The following YWHAG variants were observed in gnomAD, a reference collection of about 807,000 sequenced individuals.
YWHAG encodes 14-3-3 protein gamma.
In YWHAG, 1 loss-of-function variant was observed where a neutral mutation model predicts 23.3. That is an observed-to-expected ratio of 0.04 (90% CI 0.02 to 0.20). The LOEUF is 0.20. Among genes scored for constraint, YWHAG ranks in the 10% least tolerant of loss-of-function variants. YWHAG has a pLI of 1.00. For missense variants in YWHAG, 151 were observed against 338.6 expected (o/e 0.45, Z 4.35); for synonymous variants, 160 against 144.0 (o/e 1.11, Z -0.80).
intron 1 of YWHAG, among the ~76,000 whole-genome samples, chr7:76,347,308 A>C (rs986313134): frequency 6.6e-6 from 1 of 152,204 alleles, no homozygotes. Flanking sequence ...CCAAATACTC[A>C]AATGTCTGCC....
Position 76,329,509 on chromosome 7 carries a change from C to CCAAA in YWHAG, c.*67_*68insTTTG. The CCAAA allele has an allele frequency of 2.1e-6, 3 of 1,421,534 alleles. No individual in the cohort carries two copies. Among genetic ancestry groups the CCAAA allele is most frequent in the Non-Finnish European group, 2.8e-6 (3 of 1,069,476 alleles). 88.1% of individuals were successfully genotyped at this position (1,421,534 alleles called of 1,614,324 possible). A position where few individuals can be genotyped will look rare whatever the true frequency, so the allele number is the denominator to read the frequency against. ...CCCTTTCCCTCCCCCACCCGACCCC[C>CCAAA]AACTCATGGGAAAAAAATAAAGACT... On this transcript the variant is annotated 3_prime_UTR_variant, in exon 2 of 2. Coordinates refer to ENST00000307630, the MANE Select transcript of YWHAG (RefSeq NM_012479.4). This position sits in a 1 kb window ranked among gnomAD's most constrained non-coding sequence, Gnocchi z 6.1.
intron 1 of YWHAG, among the ~76,000 whole-genome samples, chr7:76,336,087 A>AT (rs1162749723): frequency 2.0e-5 from 3 of 152,216 alleles, no homozygotes; most frequent in Admixed American, 6.5e-5. Flanking sequence ...CACCCAACAC[A>AT]TTGATTTAAT....
chr7:76,358,355 G>C (rs1803993708), intron 1 of YWHAG, among the ~76,000 whole-genome samples: 2 of 152,136 alleles, frequency 1.3e-5, no homozygotes, highest in South Asian at 4.1e-4. Flanking sequence ...CCCACGCCCA[G>C]GCTAGGAGGA....
intron 1 of YWHAG, among the ~76,000 whole-genome samples, chr7:76,355,936 A>G (rs1803948939): frequency 6.6e-6 from 1 of 152,224 alleles, no homozygotes; most frequent in South Asian, 2.1e-4. Context: ...CCTTCAATAC[A>G]AGACTAAACA....
In YWHAG at chr7:76,328,168, A is replaced by T. The variant is rs1298387366; in HGVS notation, c.*1409T>A. ...ACCCGAAATGAGAATGAGGGCCTTAAGGCTGCCGAAAACAAATGGGTGGAA... is the reference window on the plus strand; with the variant it reads ...ACCCGAAATGAGAATGAGGGCCTTATGGCTGCCGAAAACAAATGGGTGGAA... On this transcript the variant is annotated 3_prime_UTR_variant, in exon 2 of 2. Coordinates refer to ENST00000307630, the MANE Select transcript of YWHAG (RefSeq NM_012479.4). The T allele has an allele frequency of 1.3e-5, 2 of 152,166 alleles. No homozygotes were observed. The highest frequency in any genetic ancestry group is 4.8e-5 in the African/African-American group (2 of 41,436). The allele number at this position is 152,166 out of a possible 1,614,324, so 9.4% of individuals were successfully genotyped here. A position where few individuals can be genotyped will look rare whatever the true frequency, so the allele number is the denominator to read the frequency against.
At chr7:76,345,473 A>C (rs965666866) in intron 1 of YWHAG, among the ~76,000 whole-genome samples, 1 of 150,254 alleles carries the variant, frequency 6.7e-6, no homozygotes, top group African/African-American at 2.4e-5. Context: ...GGCGTGAGCC[A>C]CCGTACCTGG....
At chr7:76,331,333 T>C (rs1803539032) in intron 1 of YWHAG, among the ~76,000 whole-genome samples, 1 of 147,846 alleles carries the variant, frequency 6.8e-6, no homozygotes, top group African/African-American at 2.6e-5. Flanking sequence ...TCCCTGTCCC[T>C]TGAGTCCCCA....
chr7:76,335,965 C>CA (rs1803609859), intron 1 of YWHAG, among the ~76,000 whole-genome samples: 1 of 151,646 alleles, frequency 6.6e-6, no homozygotes, highest in African/African-American at 2.4e-5. Context: ...CCACACCCCC[C>CA]AAAAAAAAGT....
At chr7:76,349,553 C>CT (rs1294653537) in intron 1 of YWHAG, among the ~76,000 whole-genome samples, 6 of 151,938 alleles carry the variant, frequency 3.9e-5, no homozygotes, top group Non-Finnish European at 8.8e-5. Flanking sequence ...ATTCACTCAG[C>CT]AAGTGTTTTT....
chr7:76,357,063 A>AT (rs551158431), intron 1 of YWHAG, among the ~76,000 whole-genome samples: 128 of 152,376 alleles, frequency 8.4e-4, no homozygotes, highest in South Asian at 1.4e-3. Flanking sequence ...TGGAAAAATT[A>AT]TAAGAGTCTA....
chr7:76,351,918 CT>C (rs1803880643), intron 1 of YWHAG, among the ~76,000 whole-genome samples: 1 of 152,160 alleles, frequency 6.6e-6, no homozygotes, highest in Non-Finnish European at 1.5e-5. Flanking sequence ...GAAAAACTGT[CT>C]TCCATGAAAC....
chr7:76,357,956 G>A (rs1017298120), intron 1 of YWHAG, among the ~76,000 whole-genome samples: 3 of 152,138 alleles, frequency 2.0e-5, no homozygotes, highest in Non-Finnish European at 2.9e-5. Flanking sequence ...TAATTTTACA[G>A]GCAATACCTA....
intron 1 of YWHAG, among the ~76,000 whole-genome samples, chr7:76,354,079 A>AC (rs796637942): frequency 6.7e-6 from 1 of 149,392 alleles, no homozygotes; most frequent in African/African-American, 2.5e-5. Flanking sequence ...AAAACAAAAA[A>AC]CAAGCAATCA....
Position 76,329,625 on chromosome 7 carries a change from G to C in YWHAG, c.696C>G (p.Leu232=), listed in dbSNP as rs144055251. The change falls in exon 2 of 2, where the codon CTC becomes CTG. Residue 232 remains leucine, a synonymous_variant. Coordinates refer to ENST00000307630, the MANE Select transcript of YWHAG (RefSeq NM_012479.4). This position sits in a 1 kb window ranked among gnomAD's most constrained non-coding sequence, Gnocchi z 6.1. ...IMQLLRDNLT[L]WTSDQQDDDG... is the part of the protein sequence containing the mutation. ...CGTCGTCCTGCTGGTCGCTCGTCCAGAGCGTGAGGTTGTCGCGGAGGAGCT... is the reference window on the plus strand; with the variant it reads ...CGTCGTCCTGCTGGTCGCTCGTCCACAGCGTGAGGTTGTCGCGGAGGAGCT... 1.2e-6 allele frequency: 2 copies of C among 1,614,002 alleles called. No individual in the cohort carries two copies. Among genetic ancestry groups the C allele is most frequent in the African/African-American group, 2.7e-5 (2 of 74,950 alleles).
Position 76,357,884 on chromosome 7 carries a change from A to G in YWHAG, c.87+838T>C, listed in dbSNP as rs1380273853. Among the ~76,000 whole-genome samples, 5 of 152,178 alleles carry G rather than the reference A, an allele frequency of 3.3e-5. No homozygotes were observed. The East Asian group carries it at 7.7e-4, about 23-fold the overall frequency. ...GGAATTTCAACAGACGCGTGCCTGT[A>G]TTCAAAAAAGAAACGGCATATGTCA... On this transcript the variant is annotated intron_variant, in intron 1 of 1. Coordinates refer to ENST00000307630, the MANE Select transcript of YWHAG (RefSeq NM_012479.4).
intron 1 of YWHAG, among the ~76,000 whole-genome samples, chr7:76,352,152 TTAAAGAA>T (rs1803885481): frequency 6.6e-6 from 1 of 152,254 alleles, no homozygotes; most frequent in East Asian, 1.9e-4. Context: ...TTCTACATTC[TTAAAGAA>T]CTAGCACCAT....
intron 1 of YWHAG, among the ~76,000 whole-genome samples, chr7:76,343,798 C>T (rs147787064): frequency 0.012 from 1,856 of 152,264 alleles, 24 homozygotes; most frequent in Non-Finnish European, 0.019. Flanking sequence ...TCCACCACCA[C>T]GTGAAGAAGC....
intron 1 of YWHAG, among the ~76,000 whole-genome samples, chr7:76,342,945 T>A (rs1803719928): frequency 6.6e-6 from 1 of 152,092 alleles, no homozygotes. Context: ...GAGACCAGCC[T>A]AGCCAACATC....
At position 76,329,501 on chromosome 7, in the gene YWHAG, CCGA is replaced by C; in HGVS notation, c.*73_*75del. 1 of 1,279,752 alleles carries C rather than the reference CCGA, an allele frequency of 7.8e-7. No homozygotes were observed. Among genetic ancestry groups the C allele is most frequent in the Non-Finnish European group, 1.0e-6 (1 of 956,950 alleles). The allele number at this position is 1,279,752 out of a possible 1,614,324, so 79.3% of individuals were successfully genotyped here. A position where few individuals can be genotyped will look rare whatever the true frequency, so the allele number is the denominator to read the frequency against. On this transcript the variant is annotated 3_prime_UTR_variant, in exon 2 of 2. Transcript: ENST00000307630. This position sits in a 1 kb window ranked among gnomAD's most constrained non-coding sequence, Gnocchi z 6.1. ...TCATCCCTCCCTTTCCCTCCCCCAC[CCGA>C]CCCCCAACTCATGGGAAAAAAATAA...
Sources: allele counts gnomAD v4.1 joint callset (sites outside exome capture counted in the v4.1 genomes callset), GRCh38; gene constraint gnomAD v4.1.1; non-coding constraint Gnocchi (gnomAD v3.1); transcripts MANE v1.5; gene names NCBI Gene and HGNC (gene_info 2026-07-23, HGNC 2026-07-21).